The following ZNF804B variants were observed in gnomAD, a reference collection of about 807,000 sequenced individuals.
The protein encoded by ZNF804B is zinc finger protein 804B.
Under a neutral mutation model 101.4 loss-of-function variants are expected in ZNF804B, and 80 were observed. The observed-to-expected ratio is 0.79, with a 90% CI of 0.66 to 0.95. ZNF804B has a LOEUF of 0.95. Among genes scored for constraint, ZNF804B ranks in the 40% least tolerant of loss-of-function variants. The pLI is 0.00. For missense variants in ZNF804B, 1,673 were observed against 1,561.9 expected (o/e 1.07, Z -1.20); for synonymous variants, 622 against 558.8 (o/e 1.11, Z -1.59).
intron 1 of ZNF804B, among the ~76,000 whole-genome samples, chr7:89,140,565 G>C (rs1407377627): frequency 2.0e-5 from 3 of 152,034 alleles, no homozygotes; most frequent in Non-Finnish European, 4.4e-5. Context: ...ATCACTTGCT[G>C]CTTCACCTTG....
intron 1 of ZNF804B, among the ~76,000 whole-genome samples, chr7:88,841,258 A>G (rs933611368): frequency 6.6e-5 from 10 of 152,176 alleles, no homozygotes; most frequent in African/African-American, 1.7e-4. Context: ...GCCACACCCC[A>G]TAGTCTTAGA....
chr7:88,989,772 A>G (rs74789209), intron 1 of ZNF804B, among the ~76,000 whole-genome samples: 1 of 152,096 alleles, frequency 6.6e-6, no homozygotes, highest in African/African-American at 2.4e-5. Flanking sequence ...ATGACATGGC[A>G]TCATGTATAT....
intron 1 of ZNF804B, among the ~76,000 whole-genome samples, chr7:88,801,139 C>A (rs4383903): frequency 2.0e-5 from 3 of 151,596 alleles, no homozygotes; most frequent in African/African-American, 4.8e-5. Flanking sequence ...TTGCAAGATT[C>A]TAGTGCGCCC....
At chr7:89,196,790 A>C (rs1333670946) in intron 1 of ZNF804B, among the ~76,000 whole-genome samples, 1 of 151,042 alleles carries the variant, frequency 6.6e-6, no homozygotes, top group Non-Finnish European at 1.5e-5. Context: ...AAAAAACCCT[A>C]TTAAAAAATG....
chr7:89,294,635 CT>C (rs1370176595), intron 2 of ZNF804B, among the ~76,000 whole-genome samples: 1 of 151,954 alleles, frequency 6.6e-6, no homozygotes, highest in African/African-American at 2.4e-5. Context: ...CAATTTTCTC[CT>C]GTTAATTCTT....
chr7:89,092,413 T>TA, intron 1 of ZNF804B, among the ~76,000 whole-genome samples: 1 of 33,574 alleles, frequency 3.0e-5, no homozygotes, highest in East Asian at 3.1e-4. Context: ...TTTCTGTTTT[T>TA]TTTTTTTTTT....
intron 1 of ZNF804B, among the ~76,000 whole-genome samples, chr7:88,914,646 A>C (rs1316124939): frequency 6.6e-6 from 1 of 152,200 alleles, no homozygotes; most frequent in Non-Finnish European, 1.5e-5. Context: ...TATATGTTTC[A>C]ATAATTATGT....
chr7:88,907,645 C>T (rs1792493712), intron 1 of ZNF804B, among the ~76,000 whole-genome samples: 1 of 151,726 alleles, frequency 6.6e-6, no homozygotes, highest in Non-Finnish European at 1.5e-5. Context: ...AAGTTTGGGG[C>T]CTTTAACTTT....
intron 1 of ZNF804B, among the ~76,000 whole-genome samples, chr7:88,760,966 C>G (rs1291782807): frequency 1.4e-5 from 2 of 147,488 alleles, no homozygotes; most frequent in African/African-American, 2.5e-5. Flanking sequence ...CTACTAGTGA[C>G]TAAGTATCCA....
chr7:89,317,411 G>T (rs1191177509), intron 2 of ZNF804B, among the ~76,000 whole-genome samples: 1 of 152,186 alleles, frequency 6.6e-6, no homozygotes, highest in African/African-American at 2.4e-5. Context: ...CTGGGGTGTA[G>T]GTGCAGGGTG....
chr7:89,178,119 A>C (rs919147017), intron 1 of ZNF804B, among the ~76,000 whole-genome samples: 1 of 151,654 alleles, frequency 6.6e-6, no homozygotes, highest in Non-Finnish European at 1.5e-5. Flanking sequence ...TATTTGCATG[A>C]AGTATCTTTT....
intron 2 of ZNF804B, among the ~76,000 whole-genome samples, chr7:89,304,849 A>G (rs1051079177): frequency 1.3e-5 from 2 of 152,102 alleles, no homozygotes; most frequent in South Asian, 4.1e-4. Context: ...TCTTAATCTT[A>G]CCTGGGTCTC....
At chr7:88,875,126 C>A (rs373431016) in intron 1 of ZNF804B, among the ~76,000 whole-genome samples, 5 of 140,260 alleles carry the variant, frequency 3.6e-5, no homozygotes, top group African/African-American at 1.1e-4. Flanking sequence ...ACAAAGACAC[C>A]ACATACCAGA....
intron 1 of ZNF804B, among the ~76,000 whole-genome samples, chr7:89,062,243 G>A (rs1789392387): frequency 6.6e-6 from 1 of 151,968 alleles, no homozygotes; most frequent in Non-Finnish European, 1.5e-5. Context: ...CAGAACATTT[G>A]AACTTCGTGA....
chr7:88,765,122 A>C (rs142975071), intron 1 of ZNF804B, among the ~76,000 whole-genome samples: 258 of 152,248 alleles, frequency 1.7e-3, no homozygotes, highest in Middle Eastern at 3.4e-3. Flanking sequence ...TATTAAGAAG[A>C]CTTAAATAGG....
At chr7:89,309,540 T>A (rs1359952762) in intron 2 of ZNF804B, among the ~76,000 whole-genome samples, 2 of 151,814 alleles carry the variant, frequency 1.3e-5, no homozygotes, top group African/African-American at 4.8e-5. Flanking sequence ...AGCAGGCAGA[T>A]CACAATGTCA....
intron 1 of ZNF804B, among the ~76,000 whole-genome samples, chr7:88,855,920 T>A (rs1583978915): frequency 6.6e-6 from 1 of 152,172 alleles, no homozygotes; most frequent in African/African-American, 2.4e-5. Flanking sequence ...GTTGTAGATA[T>A]GTGGCATTAT....
chr7:89,208,723 C>T (rs1301503295), intron 1 of ZNF804B, among the ~76,000 whole-genome samples: 4 of 151,904 alleles, frequency 2.6e-5, no homozygotes, highest in Admixed American at 6.6e-5. Context: ...AAAAATAATC[C>T]CTGTTTAGAC....
At chr7:89,249,191 A>G (rs1046145833) in intron 2 of ZNF804B, among the ~76,000 whole-genome samples, 14 of 152,156 alleles carry the variant, frequency 9.2e-5, no homozygotes, top group Admixed American at 2.0e-4. Flanking sequence ...TAGCCACACA[A>G]TAACAGTGGG....
Sources: allele counts gnomAD v4.1 joint callset (sites outside exome capture counted in the v4.1 genomes callset), GRCh38; gene constraint gnomAD v4.1.1; transcripts MANE v1.5; gene names NCBI Gene and HGNC (gene_info 2026-07-23, HGNC 2026-07-21).